The following TMPRSS5 variants were observed in gnomAD, a reference collection of about 807,000 sequenced individuals.
TMPRSS5 encodes the protein transmembrane protease serine 5.
TMPRSS5 carries 45 observed loss-of-function variants against 59.7 expected under a neutral mutation model. The ratio of observed to expected loss-of-function variants is 0.75; its 90% CI spans 0.59 to 0.97. The LOEUF (loss-of-function observed/expected upper bound fraction) is 0.97. Ranked by LOEUF, TMPRSS5 falls within the 50% of genes least tolerant of loss-of-function variation. TMPRSS5 has a pLI of 0.00. For synonymous variants in TMPRSS5, 225 were observed against 232.0 expected (o/e 0.97, Z 0.27); for missense variants, 585 against 596.7 (o/e 0.98, Z 0.20).
At chr11:113,691,079 G>T in intron 9 of TMPRSS5, 140 bp from the exon 10 acceptor site, 2 of 732,188 alleles carry the variant, frequency 2.7e-6, no homozygotes, top group Non-Finnish European at 4.5e-6. Context: ...CACCAGCCAG[G>T]CCTCCTAGAT....
At chr11:113,697,028 TATA>T in intron 5 of TMPRSS5, 57 bp from the exon 6 acceptor site, 1 of 1,341,332 alleles carries the variant, frequency 7.5e-7, no homozygotes, top group South Asian at 1.2e-5. Flanking sequence ...ATGTACGAGA[TATA>T]ATACTAGTAT....
chr11:113,693,022 CTCTCTCG>C, intron 9 of TMPRSS5, 42 bp downstream of exon 9: 5 of 1,496,956 alleles, frequency 3.3e-6, no homozygotes, highest in East Asian at 2.5e-5. Context: ...AGCCCCCGCC[CTCTCTCG>C]CCATAGTCTC....
intron 2 of TMPRSS5, 123 bp from the exon 3 acceptor site, chr11:113,699,816 C>G: frequency 7.2e-7 from 1 of 1,386,992 alleles, no homozygotes; most frequent in Non-Finnish European, 9.9e-7. Context: ...TCCTCCTGCC[C>G]CATCAGCCCA....
chr11:113,690,706 G>C, intron 10 of TMPRSS5, 135 bp downstream of exon 10: 1 of 860,154 alleles, frequency 1.2e-6, no homozygotes, highest in Non-Finnish European at 1.8e-6. Context: ...GAGACCCTAG[G>C]CCTGACCAAG....
chr11:113,701,460 T>C (rs1330312732), intron 1 of TMPRSS5, among the ~76,000 whole-genome samples: 1 of 148,332 alleles, frequency 6.7e-6, no homozygotes, highest in Non-Finnish European at 1.5e-5. Flanking sequence ...GCCCTAGAGA[T>C]CTGTGGAACT....
At position 113,695,381 on chromosome 11, in the gene TMPRSS5, A is replaced by G. The variant is rs769687223; in HGVS notation, c.622+19T>C. On this transcript the variant is annotated intron_variant, in intron 7 of 12. Coordinates refer to ENST00000299882, the MANE Select transcript of TMPRSS5 (RefSeq NM_030770.4). ...CCTTCCTCTCACCGCCACCTCCCCT[A>G]GACCAAGATATGACTCACCAGAGCA... is the stretch of plus-strand genomic sequence containing the variant. 1.2e-6 allele frequency: 2 copies of G among 1,613,810 alleles called. No homozygotes were observed.
chr11:113,706,192 A>T, intron 1 of TMPRSS5, 30 bp downstream of exon 1: 3 of 1,593,242 alleles, frequency 1.9e-6, no homozygotes, highest in Non-Finnish European at 2.6e-6. Context: ...GAGAGGCCAC[A>T]GCAGGGATGG....
At chr11:113,699,210 T>C in intron 3 of TMPRSS5, among the ~76,000 whole-genome samples, 183 bp from the exon 4 acceptor site, 1 of 46,940 alleles carries the variant, frequency 2.1e-5, no homozygotes, top group East Asian at 4.2e-4. Flanking sequence ...TTTGTCTGTC[T>C]GTCTCTCTCT....
rs368471842 is a variant in TMPRSS5, at chr11:113,696,960, T to C, written c.476A>G (p.His159Arg). ...GATGTCAGTGAGGTTTACTCCCTTG[T>C]GGTGAGTGAGTCTTGGCAGAAGAAG... ...WSLGHLRLTHHKGVNLTDIKL... is the reference protein window; with the variant it reads ...WSLGHLRLTHRKGVNLTDIKL... Residue 159 changes from histidine (H) to arginine (R), a missense_variant, in exon 6 of 13, where the codon CAC becomes CGC. Coordinates refer to ENST00000299882, the MANE Select transcript of TMPRSS5 (RefSeq NM_030770.4). The C allele has an allele frequency of 1.9e-6, 3 of 1,574,488 alleles. No individual in the cohort carries two copies. Among genetic ancestry groups the C allele is most frequent in the African/African-American group, 1.3e-5 (1 of 74,108 alleles).
intron 1 of TMPRSS5, among the ~76,000 whole-genome samples, chr11:113,704,444 C>T (rs1224871460): frequency 6.6e-6 from 1 of 152,178 alleles, no homozygotes; most frequent in Non-Finnish European, 1.5e-5. Flanking sequence ...ATCTCTACCC[C>T]ATGAGTCTTT....
At position 113,687,841 on chromosome 11, in the gene TMPRSS5, A is replaced by T; in HGVS notation, c.*419T>A. On this transcript the variant is annotated 3_prime_UTR_variant, in exon 13 of 13. Transcript: ENST00000299882. The stretch of plus-strand genomic sequence containing the variant: ...GCACTTAGCCCACCTAGAGCACAGG[A>T]AAAAGGTGGGACGGGGGGCACCTCC... 6.1e-6 allele frequency: 1 copy of T among 164,958 alleles called. No homozygotes were observed. The highest frequency in any genetic ancestry group is 2.0e-4 in the South Asian group (1 of 5,108). The allele number at this position is 164,958 out of a possible 1,614,324, so 10.2% of individuals were successfully genotyped here.
chr11:113,690,239 C>T lies in TMPRSS5; in HGVS notation c.1198G>A (p.Ala400Thr), dbSNP rs1338211310. ...GCCACCACAGGCCACACCTGGCATG[C>T]ATCAGCCCTTCCGTCCAGGTAGCCA... Reference protein sequence around the residue: ...CAGYLDGRADACQGDSGGPLV... With the variant: ...CAGYLDGRADTCQGDSGGPLV... The change falls in exon 11 of 13, where the codon GCA (alanine) becomes ACA (threonine). Residue 400 changes from alanine to threonine, a missense_variant. Transcript: ENST00000299882. 1 of 1,518,352 alleles carries T rather than the reference C, an allele frequency of 6.6e-7. No individual in the cohort carries two copies. Among genetic ancestry groups the T allele is most frequent in the Non-Finnish European group, 8.9e-7 (1 of 1,127,848 alleles). The allele number at this position is 1,518,352 out of a possible 1,614,324, so 94.1% of individuals were successfully genotyped here.
rs200067593 is a variant in TMPRSS5 at position 113,690,387 on chromosome 11, C to T, written c.1064-14G>A. On this transcript the variant is annotated splice_polypyrimidine_tract_variant and intron_variant, in intron 10 of 12. Transcript: ENST00000299882. ...CCGAGCTGTAAGCTATGAGAGACACCGAGAAAAACTGCAGGGCACAAAGCA... is the reference window on the plus strand; with the variant it reads ...CCGAGCTGTAAGCTATGAGAGACACTGAGAAAAACTGCAGGGCACAAAGCA... 30 of 1,596,704 alleles carry T rather than the reference C, an allele frequency of 1.9e-5. No individual in the cohort carries two copies. Among genetic ancestry groups the T allele is most frequent in the Non-Finnish European group, 2.5e-5 (29 of 1,174,560 alleles).
At chr11:113,689,670 C>G in intron 12 of TMPRSS5, 95 bp downstream of exon 12, 1 of 1,423,644 alleles carries the variant, frequency 7.0e-7, no homozygotes, top group Non-Finnish European at 9.6e-7. Context: ...CCTCCCCAGT[C>G]CCCAGCAGGG....
intron 6 of TMPRSS5, 143 bp downstream of exon 6, chr11:113,696,715 C>T (rs1287798904): frequency 1.6e-6 from 1 of 621,048 alleles, no homozygotes; most frequent in Non-Finnish European, 2.9e-6. Context: ...TTTGTAATTT[C>T]TAACTAGGAA....
chr11:113,705,340 G>A (rs985140481), intron 1 of TMPRSS5, among the ~76,000 whole-genome samples: 8 of 152,126 alleles, frequency 5.3e-5, no homozygotes, highest in South Asian at 4.1e-4. Flanking sequence ...AAATTGCCCC[G>A]AAAATCATTC....
intron 8 of TMPRSS5, chr11:113,693,575 ACTT>A: frequency 5.0e-6 from 1 of 200,996 alleles, no homozygotes; most frequent in East Asian, 1.2e-4. Context: ...TGTTGGAAAA[ACTT>A]CCCCTGGTCC....
chr11:113,698,856 C>G, intron 4 of TMPRSS5, 49 bp downstream of exon 4: 1 of 1,559,090 alleles, frequency 6.4e-7, no homozygotes, highest in Non-Finnish European at 8.7e-7. Context: ...TCAGCTGTGA[C>G]AGGTCCCTGC....
chr11:113,698,211 G>A (rs544875369), intron 4 of TMPRSS5, among the ~76,000 whole-genome samples: 22 of 151,964 alleles, frequency 1.4e-4, no homozygotes, highest in African/African-American at 5.1e-4. Context: ...AAATAAATGT[G>A]GTTTAAACCA....
Sources: allele counts gnomAD v4.1 joint callset (sites outside exome capture counted in the v4.1 genomes callset), GRCh38; gene constraint gnomAD v4.1.1; transcripts MANE v1.5; gene names NCBI Gene and HGNC (gene_info 2026-07-23, HGNC 2026-07-21).